Variants in RAB12 observed in about 807,000 individuals in gnomAD.
RAB12 encodes ras-related protein Rab-12.
In RAB12, 11 loss-of-function variants were observed where a neutral mutation model predicts 28.4. The ratio of observed to expected loss-of-function variants is 0.39; its 90% CI spans 0.24 to 0.64. RAB12 has a LOEUF of 0.64. Among genes scored for constraint, RAB12 ranks in the 30% least tolerant of loss-of-function variants. The probability of loss-of-function intolerance (pLI) is 0.50; values close to 1 mark genes in which losing one functional copy is unlikely to be tolerated. For missense variants in RAB12, 276 were observed against 351.1 expected (o/e 0.79, Z 1.71); for synonymous variants, 138 against 145.3 (o/e 0.95, Z 0.36).
At chr18:8,628,424 A>G (rs2096014068) in intron 2 of RAB12, among the ~76,000 whole-genome samples, 1 of 152,168 alleles carries the variant, frequency 6.6e-6, no homozygotes, top group Non-Finnish European at 1.5e-5. Context: ...TCTCAACCCA[A>G]ATATTTTGGG....
Position 8,638,257 on chromosome 18 carries a change from T to C in RAB12, c.1018T>C (p.Cys340Arg), listed in dbSNP as rs2096020094. 6.2e-7 allele frequency: 1 copy of C among 1,609,754 alleles called. No individual in the cohort carries two copies. The highest frequency in any genetic ancestry group is 8.5e-7 in the Non-Finnish European group (1 of 1,176,246). Reference sequence around the variant, plus strand: ...TCCACCAAGACCACATGTCCGATGCTGTTGATTTCCTACTTTGGAGACAAA... The same window carrying C: ...TCCACCAAGACCACATGTCCGATGCCGTTGATTTCCTACTTTGGAGACAAA... ...LPPPRPHVRC[C>R] Residue 340 changes from cysteine to arginine, a missense_variant, in exon 6 of 6, where the codon TGT becomes CGT. Physicochemically the swap from Cys to Arg is radical, Grantham distance 180. Transcript: ENST00000649141.
At chr18:8,621,565 A>G (rs1261632303) in intron 1 of RAB12, among the ~76,000 whole-genome samples, 1 of 152,190 alleles carries the variant, frequency 6.6e-6, no homozygotes, top group African/African-American at 2.4e-5. Context: ...TACTCACTAT[A>G]AGATAGTCTT....
At chr18:8,630,762 C>G (rs1472007736) in intron 2 of RAB12, among the ~76,000 whole-genome samples, 2 of 152,228 alleles carry the variant, frequency 1.3e-5, no homozygotes, top group African/African-American at 2.4e-5. Context: ...TTCAAAGGAG[C>G]AGTTGGGTAA....
At chr18:8,624,214 ATTG>A (rs1567894863) in intron 1 of RAB12, among the ~76,000 whole-genome samples, 1 of 152,264 alleles carries the variant, frequency 6.6e-6, no homozygotes, top group African/African-American at 2.4e-5. Context: ...GTAATAAAAT[ATTG>A]TTGTGAAATA....
intron 1 of RAB12, among the ~76,000 whole-genome samples, chr18:8,621,803 G>A (rs1219580216): frequency 8.3e-6 from 1 of 120,016 alleles, no homozygotes; most frequent in African/African-American, 2.6e-5. Context: ...CCCAGTGTCT[G>A]TTCCCTTCTT....
chr18:8,629,941 GGTCTTTAAA>G (rs1248895083), intron 2 of RAB12, among the ~76,000 whole-genome samples: 2 of 152,124 alleles, frequency 1.3e-5, no homozygotes, highest in Non-Finnish European at 2.9e-5. Flanking sequence ...AATCATAGAT[GGTCTTTAAA>G]GAAATCGCTT....
chr18:8,631,137 A>C (rs1325199651), intron 2 of RAB12, among the ~76,000 whole-genome samples: 2 of 152,274 alleles, frequency 1.3e-5, no homozygotes, highest in East Asian at 3.9e-4. Context: ...TGACTTGCCC[A>C]CCTCAGCTTC....
intron 2 of RAB12, among the ~76,000 whole-genome samples, chr18:8,631,192 A>G (rs1047504828): frequency 6.6e-6 from 1 of 152,170 alleles, no homozygotes; most frequent in Non-Finnish European, 1.5e-5. Flanking sequence ...GCCCGGCCTA[A>G]CAAGGCTAAT....
At chr18:8,624,229 T>G (rs190280738) in intron 1 of RAB12, among the ~76,000 whole-genome samples, 1 of 152,364 alleles carries the variant, frequency 6.6e-6, no homozygotes, top group East Asian at 1.9e-4. Flanking sequence ...TGTGAAATAT[T>G]TACATTTTGT....
At chr18:8,610,190 C>T (rs1335904588) in intron 1 of RAB12, 3 of 418,748 alleles carry the variant, frequency 7.2e-6, no homozygotes, top group African/African-American at 2.1e-5. Context: ...CTCAGAGGTC[C>T]TGGCAGCCCC....
chr18:8,625,105 C>A, intron 2 of RAB12, 107 bp downstream of exon 2: 1 of 672,554 alleles, frequency 1.5e-6, no homozygotes, highest in Non-Finnish European at 2.6e-6. Flanking sequence ...CCTACTTTCT[C>A]CTCTTTTGCT....
At chr18:8,623,408 T>TTG (rs2096010996) in intron 1 of RAB12, among the ~76,000 whole-genome samples, 1 of 152,244 alleles carries the variant, frequency 6.6e-6, no homozygotes, top group Non-Finnish European at 1.5e-5. Flanking sequence ...GATTATGCAT[T>TTG]TGATTAGTAA....
chr18:8,638,189 T>C lies in RAB12; in HGVS notation c.950T>C (p.Ile317Thr), dbSNP rs370446984. 5.6e-6 allele frequency: 9 copies of C among 1,613,796 alleles called. No individual in the cohort carries two copies. Among genetic ancestry groups the C allele is most frequent in the African/African-American group, 2.7e-5 (2 of 74,878 alleles). ...TTAAGGAATGAGTTGTCCAATAGTA[T>C]CCTGTCGTTACAACCAGAGCCTGAG... ...DILRNELSNS[I>T]LSLQPEPEIP... The change falls in exon 6 of 6, where the codon ATC (isoleucine) becomes ACC (threonine). Residue 317 changes from isoleucine (I) to threonine (T), a missense_variant. This residue lies in a region of RAB12 where 127 missense variants were observed against 161.4 expected (regional missense o/e 0.79). Transcript: ENST00000649141.
intron 1 of RAB12, among the ~76,000 whole-genome samples, chr18:8,618,800 C>G (rs541084341): frequency 2.0e-4 from 30 of 152,328 alleles, no homozygotes; most frequent in African/African-American, 7.2e-4. Flanking sequence ...GTGTGAGCCA[C>G]CGTGCTCAGC....
chr18:8,636,586 C>T (rs548770892), intron 5 of RAB12, among the ~76,000 whole-genome samples: 20 of 152,304 alleles, frequency 1.3e-4, no homozygotes, highest in African/African-American at 4.6e-4. Flanking sequence ...ATACTTGCTT[C>T]GCCTTAAGAT....
chr18:8,611,621 A>G (rs765656701), intron 1 of RAB12, among the ~76,000 whole-genome samples: 13 of 152,154 alleles, frequency 8.5e-5, no homozygotes, highest in Non-Finnish European at 1.6e-4. Context: ...ACCCGATCCT[A>G]TGGGCACCTG....
At chr18:8,627,139 C>T (rs780818618) in intron 2 of RAB12, among the ~76,000 whole-genome samples, 3 of 152,322 alleles carry the variant, frequency 2.0e-5, no homozygotes, top group African/African-American at 2.4e-5. Context: ...TAAAGTAATG[C>T]GTGGCTTCTT....
At position 8,609,966 on chromosome 18, in the gene RAB12, C is replaced by G. The variant is rs1441421416; in HGVS notation, c.514+13C>G. The G allele has an allele frequency of 6.2e-7, 1 of 1,601,964 alleles. No individual in the cohort carries two copies. ...AAGTCCACCGTGGGTAAGGGCGCCACGGCGACCCTGGGCCGGGCCTCCTGG... is the reference window on the plus strand; with the variant it reads ...AAGTCCACCGTGGGTAAGGGCGCCAGGGCGACCCTGGGCCGGGCCTCCTGG... On this transcript the variant is annotated intron_variant, in intron 1 of 5. Transcript: ENST00000649141.
chr18:8,616,125 G>A (rs1427368781), intron 1 of RAB12, among the ~76,000 whole-genome samples: 2 of 152,114 alleles, frequency 1.3e-5, no homozygotes, highest in African/African-American at 4.8e-5. Flanking sequence ...GCAGCATTTT[G>A]TATTTATATA....
Sources: allele counts gnomAD v4.1 joint callset (sites outside exome capture counted in the v4.1 genomes callset), GRCh38; gene constraint gnomAD v4.1.1; regional missense constraint gnomAD v4.1.1; transcripts MANE v1.5; gene names NCBI Gene and HGNC (gene_info 2026-07-23, HGNC 2026-07-21).